NKAIN1: variants seen among roughly 807,000 people sequenced by gnomAD.
NKAIN1 encodes sodium/potassium transporting ATPase interacting 1.
NKAIN1 carries 13 observed loss-of-function variants against 31.6 expected under a neutral mutation model. The ratio of observed to expected loss-of-function variants is 0.41; its 90% CI spans 0.27 to 0.65. The LOEUF (loss-of-function observed/expected upper bound fraction) is 0.65, where lower values mean the gene tolerates loss of function less well. Ranked by LOEUF, NKAIN1 falls within the 30% of genes least tolerant of loss-of-function variation. The pLI is 0.30. For synonymous variants in NKAIN1, 104 were observed against 109.0 expected (o/e 0.95, Z 0.28); for missense variants, 193 against 262.2 (o/e 0.74, Z 1.82).
chr1:31,233,837 T>C lies in NKAIN1; in HGVS notation c.54+5657A>G, dbSNP rs992192489. Reference sequence around the variant, plus strand: ...AACTGCCATGGGCTCGTTCGTGGGGTAGAAGCTGTTTTTCTGACTACTTTG... The same window carrying C: ...AACTGCCATGGGCTCGTTCGTGGGGCAGAAGCTGTTTTTCTGACTACTTTG... On this transcript the variant is annotated intron_variant, in intron 1 of 6. Coordinates refer to ENST00000373736, the MANE Select transcript of NKAIN1 (RefSeq NM_024522.3). This position sits in a 1 kb window ranked among gnomAD's most constrained non-coding sequence, Gnocchi z 4.0. 6.6e-6 allele frequency among the ~76,000 whole-genome samples: 1 copy of C among 152,028 alleles called. No homozygotes were observed. Among genetic ancestry groups the C allele is most frequent in the Non-Finnish European group, 1.5e-5 (1 of 68,002 alleles).
chr1:31,211,803 G>A (rs538338936), intron 1 of NKAIN1, among the ~76,000 whole-genome samples: 14 of 152,166 alleles, frequency 9.2e-5, no homozygotes, highest in Non-Finnish European at 1.8e-4. Flanking sequence ...TTAGCCAGGC[G>A]TGGTGACGCA....
chr1:31,225,250 T>A (rs1645594515), intron 1 of NKAIN1, among the ~76,000 whole-genome samples: 1 of 150,678 alleles, frequency 6.6e-6, no homozygotes, highest in Admixed American at 6.6e-5. Flanking sequence ...ATGGTCTTGA[T>A]CTCCTGATCT....
chr1:31,187,052 C>T (rs111846117), intron 2 of NKAIN1, among the ~76,000 whole-genome samples: 5,703 of 152,236 alleles, frequency 0.037, 188 homozygotes, highest in African/African-American at 0.088. Context: ...CTGGGGCTTT[C>T]CTGAGAACTG....
intron 1 of NKAIN1, among the ~76,000 whole-genome samples, chr1:31,213,395 C>T (rs1175404057): frequency 6.6e-6 from 1 of 151,402 alleles, no homozygotes. Flanking sequence ...TTCACACCCA[C>T]TAGGGTGGCT....
At chr1:31,208,639 G>A (rs59609640) in intron 1 of NKAIN1, among the ~76,000 whole-genome samples, 1 of 54,818 alleles carries the variant, frequency 1.8e-5, no homozygotes, top group African/African-American at 3.2e-5. Context: ...TGGGGGGAGG[G>A]GGCCCTGGAA....
At chr1:31,190,604 C>T (rs561284209) in intron 1 of NKAIN1, among the ~76,000 whole-genome samples, 1 of 152,240 alleles carries the variant, frequency 6.6e-6, no homozygotes, top group East Asian at 1.9e-4. Flanking sequence ...GCCTCTGACT[C>T]CTGGGTGACT....
At chr1:31,190,839 G>A (rs1478562949) in intron 1 of NKAIN1, among the ~76,000 whole-genome samples, 1 of 152,126 alleles carries the variant, frequency 6.6e-6, no homozygotes, top group Non-Finnish European at 1.5e-5. Context: ...CCCTGACTCT[G>A]CCTGGCCTTG....
At chr1:31,223,880 G>A (rs750177598) in intron 1 of NKAIN1, among the ~76,000 whole-genome samples, 1 of 152,244 alleles carries the variant, frequency 6.6e-6, no homozygotes, top group Non-Finnish European at 1.5e-5. Context: ...CTGAACGAAT[G>A]TTTTCTAGAA....
Position 31,189,027 on chromosome 1 carries a change from A to AAAAG in NKAIN1, c.55-841_55-840insCTTT, listed in dbSNP as rs200932994. On this transcript the variant is annotated intron_variant, in intron 1 of 6. Transcript: ENST00000373736. ...GACCCCGTCTCAAAAAAAAGAAAAG[A>AAAAG]AAAAAAAAAAACGGCGTTCATTGGA... Among the ~76,000 whole-genome samples, 595 of 132,402 alleles carry AAAAG rather than the reference A, an allele frequency of 4.5e-3. 36 individuals are homozygous for AAAAG. The East Asian group carries it at 0.1, about 23-fold the overall frequency. 86.9% of individuals were successfully genotyped at this position (132,402 alleles called of 152,430 possible). A position where few individuals can be genotyped will look rare whatever the true frequency, so the allele number is the denominator to read the frequency against.
At chr1:31,202,606 G>C (rs748372817) in intron 1 of NKAIN1, among the ~76,000 whole-genome samples, 33 of 151,210 alleles carry the variant, frequency 2.2e-4, no homozygotes, top group Non-Finnish European at 4.4e-4. Context: ...GAACCCAGGA[G>C]GTGGAGCTTG....
At chr1:31,220,477 G>A (rs191275081) in intron 1 of NKAIN1, among the ~76,000 whole-genome samples, 9 of 152,060 alleles carry the variant, frequency 5.9e-5, no homozygotes, top group East Asian at 1.9e-4. Flanking sequence ...CCCAGTGGCC[G>A]GGCACGGTGG....
intron 5 of NKAIN1, 43 bp from the exon 6 acceptor site, chr1:31,181,984 G>A (rs1052882747): frequency 6.4e-7 from 1 of 1,557,546 alleles, no homozygotes; most frequent in Non-Finnish European, 8.7e-7. Flanking sequence ...GGCGGCGGGG[G>A]CGAGGAGAGG....
intron 1 of NKAIN1, among the ~76,000 whole-genome samples, chr1:31,224,585 A>G (rs1237371816): frequency 3.3e-5 from 5 of 152,188 alleles, no homozygotes; most frequent in African/African-American, 7.2e-5. Flanking sequence ...ACAGCCCCCA[A>G]ATGTCCCTCT....
chr1:31,223,208 C>G (rs961779663), intron 1 of NKAIN1, among the ~76,000 whole-genome samples: 8 of 151,964 alleles, frequency 5.3e-5, no homozygotes, highest in Non-Finnish European at 7.4e-5. Flanking sequence ...AAAACCCTGT[C>G]TCTACTAAAA....
At chr1:31,221,656 G>A (rs1569574332) in intron 1 of NKAIN1, among the ~76,000 whole-genome samples, 1 of 151,922 alleles carries the variant, frequency 6.6e-6, no homozygotes, top group African/African-American at 2.4e-5. Flanking sequence ...AGATGGTCTC[G>A]ATCTCTTGAC....
In NKAIN1 at chr1:31,214,947, T is replaced by G. The variant is rs78827024; in HGVS notation, c.54+24547A>C. ...GACACTAAGCCCTCCGGGCGCCCCCTAGGGCCAAACATCATGCTGGAGGCG... is the reference window on the plus strand; with the variant it reads ...GACACTAAGCCCTCCGGGCGCCCCCGAGGGCCAAACATCATGCTGGAGGCG... On this transcript the variant is annotated intron_variant, in intron 1 of 6. Coordinates refer to ENST00000373736, the MANE Select transcript of NKAIN1 (RefSeq NM_024522.3). 5.1e-3 allele frequency among the ~76,000 whole-genome samples: 771 copies of G among 152,294 alleles called. 51 individuals carry two copies. The East Asian group carries it at 0.12, about 23-fold the overall frequency.
At chr1:31,213,586 A>G (rs1239074518) in intron 1 of NKAIN1, among the ~76,000 whole-genome samples, 3 of 152,256 alleles carry the variant, frequency 2.0e-5, no homozygotes, top group African/African-American at 7.2e-5. Context: ...TATACACCTG[A>G]GAAGTGAAAA....
Position 31,199,200 on chromosome 1 carries a change from C to T in NKAIN1, c.55-11013G>A, listed in dbSNP as rs111890365. ...TTCAGTCCACTGAGGGACGAGCTCT[C>T]CATTTAAGGACAGGGAGGCCTGAGT... is the stretch of plus-strand genomic sequence containing the variant. On this transcript the variant is annotated intron_variant, in intron 1 of 6. Transcript: ENST00000373736. Among the ~76,000 whole-genome samples the T allele has an allele frequency of 2.3e-3, 355 of 152,298 alleles. 6 individuals carry two copies. Among genetic ancestry groups the T allele is most frequent in the African/African-American group, 8.3e-3 (346 of 41,562 alleles).
In NKAIN1 at chr1:31,233,170, G is replaced by A. The variant is rs1273246826; in HGVS notation, c.54+6324C>T. ...TCACCACATTGGCCAGGCTGGTTTC[G>A]AACTCCTGATCTCAAGTGATCTGCA... On this transcript the variant is annotated intron_variant, in intron 1 of 6. Coordinates refer to ENST00000373736, the MANE Select transcript of NKAIN1 (RefSeq NM_024522.3). This position sits in a 1 kb window ranked among gnomAD's most constrained non-coding sequence, Gnocchi z 4.0. Among the ~76,000 whole-genome samples the A allele has an allele frequency of 5.9e-5, 9 of 152,032 alleles. No individual in the cohort carries two copies. The highest frequency in any genetic ancestry group is 2.1e-4 in the South Asian group (1 of 4,818).
Sources: allele counts gnomAD v4.1 joint callset (sites outside exome capture counted in the v4.1 genomes callset), GRCh38; gene constraint gnomAD v4.1.1; non-coding constraint Gnocchi (gnomAD v3.1); transcripts MANE v1.5; gene names NCBI Gene and HGNC (gene_info 2026-07-23, HGNC 2026-07-21).